The following COPG2 variants were observed in gnomAD, a reference collection of about 807,000 sequenced individuals.
The protein encoded by COPG2 is coatomer subunit gamma-2.
In COPG2, 37 loss-of-function variants were observed where a neutral mutation model predicts 46.3. That is an observed-to-expected ratio of 0.80 (90% CI 0.61 to 1.05). The LOEUF (loss-of-function observed/expected upper bound fraction) is 1.05. Ranked by LOEUF, COPG2 falls within the 50% of genes least tolerant of loss-of-function variation. The pLI, the probability that COPG2 is intolerant of heterozygous loss-of-function variation, is 0.00. For synonymous variants in COPG2, 159 were observed against 129.7 expected, an observed-to-expected ratio of 1.23 and a Z score of -1.53; for missense variants, 427 against 387.8, an observed-to-expected ratio of 1.10 and a Z score of -0.85.
chr7:130,599,395 C>G (rs1158138109), intron 9 of COPG2, among the ~76,000 whole-genome samples: 3 of 152,186 alleles, frequency 2.0e-5, no homozygotes, highest in Non-Finnish European at 4.4e-5. Context: ...AAGTCACACA[C>G]CCATTGGTGC....
At chr7:130,625,835 T>C (rs184376429) in intron 5 of COPG2, among the ~76,000 whole-genome samples, 1 of 152,312 alleles carries the variant, frequency 6.6e-6, no homozygotes. Flanking sequence ...TGAATTACTT[T>C]GTTGTTCTTT....
At position 130,666,954 on chromosome 7, in the gene COPG2, G is replaced by A. The variant is rs782311044; in HGVS notation, c.91-25C>T. ...CCTATGAAAAAACATAAAAAACATT[G>A]CTACTTTTCTACCTTTTCTATCACA... On this transcript the variant is annotated intron_variant, in intron 2 of 23. Transcript: ENST00000425248. The A allele has an allele frequency of 5.5e-6, 7 of 1,269,092 alleles. No homozygotes were observed. In the African/African-American group the frequency reaches 6.0e-5, roughly 11 times the overall value. The allele number at this position is 1,269,092 out of a possible 1,614,324, so 78.6% of individuals were successfully genotyped here.
At chr7:130,584,759 G>A (rs1408188156) in intron 9 of COPG2, among the ~76,000 whole-genome samples, 2 of 151,962 alleles carry the variant, frequency 1.3e-5, no homozygotes, top group African/African-American at 4.8e-5. Flanking sequence ...CCAAGGAGGT[G>A]AAAGGCCTCT....
At chr7:130,659,773 A>G (rs776763364) in intron 4 of COPG2, among the ~76,000 whole-genome samples, 3 of 151,648 alleles carry the variant, frequency 2.0e-5, no homozygotes, top group Non-Finnish European at 4.4e-5. Context: ...TTAGACAGGC[A>G]TGGTGGCACG....
chr7:130,535,107 G>A (rs1313141903), intron 20 of COPG2, among the ~76,000 whole-genome samples: 1 of 152,186 alleles, frequency 6.6e-6, no homozygotes. Context: ...AGGAGAGCAG[G>A]TCAAAGTAGT....
chr7:130,611,238 T>C (rs1392821138), intron 8 of COPG2, 128 bp from the exon 9 acceptor site: 2 of 821,298 alleles, frequency 2.4e-6, no homozygotes, highest in Non-Finnish European at 3.7e-6. Context: ...TACACAAATA[T>C]TTTTTTCACA....
intron 5 of COPG2, among the ~76,000 whole-genome samples, chr7:130,622,016 G>C (rs1554453682): frequency 6.7e-6 from 1 of 149,982 alleles, no homozygotes; most frequent in East Asian, 2.0e-4. Flanking sequence ...ACCATAGCTT[G>C]TCAACCCATG....
intron 9 of COPG2, among the ~76,000 whole-genome samples, chr7:130,574,315 C>A (rs1264241448): frequency 6.6e-6 from 1 of 152,158 alleles, no homozygotes; most frequent in African/African-American, 2.4e-5. Flanking sequence ...GTAATCCCAG[C>A]ACTTTGGATG....
At chr7:130,646,670 G>T (rs1242036089) in intron 5 of COPG2, among the ~76,000 whole-genome samples, 1 of 152,030 alleles carries the variant, frequency 6.6e-6, no homozygotes, top group Non-Finnish European at 1.5e-5. Context: ...GGAGGTAGGT[G>T]ATTGGATCAT....
intron 20 of COPG2, among the ~76,000 whole-genome samples, chr7:130,545,462 C>A (rs2116377480): frequency 6.6e-6 from 1 of 152,196 alleles, no homozygotes; most frequent in Non-Finnish European, 1.5e-5. Flanking sequence ...TTTGGAATAT[C>A]TGTGATGGGA....
chr7:130,510,522 T>G (rs1799578213), intron 20 of COPG2, among the ~76,000 whole-genome samples: 1 of 152,050 alleles, frequency 6.6e-6, no homozygotes, highest in Non-Finnish European at 1.5e-5. Context: ...TGGTTCCAAT[T>G]AAGCAGAGAG....
Position 130,550,567 on chromosome 7 carries a change from T to C in COPG2, c.1731A>G (p.Lys577=), listed in dbSNP as rs1793522833. The change falls in exon 17 of 24, where the codon AAA becomes AAG. Residue 577 remains lysine (K), a synonymous_variant. Coordinates refer to ENST00000425248, the MANE Select transcript of COPG2 (RefSeq NM_012133.6). ...CAGGAGCCATAGCAAGAGGAATTGA[T>C]TTCATGTCAAACGGTTTTTCTGAAG... The part of the protein sequence containing the change: ...LEPSEKPFDM[K]SIPLAMAPVF... 2.5e-6 allele frequency: 1 copy of C among 398,196 alleles called. No individual in the cohort carries two copies. The highest frequency in any genetic ancestry group is 4.4e-5 in the Admixed American group (1 of 22,700). The allele number at this position is 398,196 out of a possible 1,614,324, so 24.7% of individuals were successfully genotyped here. A position where few individuals can be genotyped will look rare whatever the true frequency, so the allele number is the denominator to read the frequency against.
intron 5 of COPG2, among the ~76,000 whole-genome samples, chr7:130,638,834 C>T (rs1554456782): frequency 6.6e-6 from 1 of 152,114 alleles, no homozygotes; most frequent in East Asian, 1.9e-4. Flanking sequence ...CCAGTTTTGT[C>T]CTTGAAACCC....
At chr7:130,620,471 T>G (rs2116521120) in intron 5 of COPG2, among the ~76,000 whole-genome samples, 1 of 152,304 alleles carries the variant, frequency 6.6e-6, no homozygotes, top group East Asian at 1.9e-4. Context: ...ACAGGGACTA[T>G]TCCCAACCCT....
At chr7:130,592,381 C>A (rs1563053207) in intron 9 of COPG2, among the ~76,000 whole-genome samples, 1 of 140,746 alleles carries the variant, frequency 7.1e-6, no homozygotes. Flanking sequence ...CTGCGAGAAA[C>A]ACCCAAGAAT....
At chr7:130,636,002 A>G (rs1320219090) in intron 5 of COPG2, among the ~76,000 whole-genome samples, 1 of 152,108 alleles carries the variant, frequency 6.6e-6, no homozygotes, top group East Asian at 1.9e-4. Flanking sequence ...GTTTCCATGT[A>G]GTTGTATGGT....
At chr7:130,551,753 A>G (rs979836208) in intron 15 of COPG2, among the ~76,000 whole-genome samples, 1 of 152,318 alleles carries the variant, frequency 6.6e-6, no homozygotes, top group East Asian at 1.9e-4. Context: ...CTCAAATGAC[A>G]ATTTGTTTTA....
intron 20 of COPG2, among the ~76,000 whole-genome samples, chr7:130,543,683 C>G (rs1472770151): frequency 6.6e-6 from 1 of 152,148 alleles, no homozygotes; most frequent in Non-Finnish European, 1.5e-5. Flanking sequence ...GACAGATGAA[C>G]AAAGACTGGG....
chr7:130,548,818 T>A (rs1793486893), intron 18 of COPG2, among the ~76,000 whole-genome samples: 1 of 151,768 alleles, frequency 6.6e-6, no homozygotes. Context: ...CTCGGGAGGC[T>A]GAGGCAGGAG....
Sources: gnomAD v4.1 joint callset for allele counts (sites outside exome capture counted in the v4.1 genomes callset) on GRCh38, gnomAD v4.1.1 for gene constraint, MANE v1.5 for transcripts, NCBI Gene and HGNC (gene_info 2026-07-23, HGNC 2026-07-21) for gene names.